Variants in SERPINB10 observed in about 807,000 individuals in gnomAD.
The protein encoded by SERPINB10 is serpin family B member 10.
Under a neutral mutation model 39.1 loss-of-function variants are expected in SERPINB10, and 35 were observed. That is an observed-to-expected ratio of 0.90 (90% CI 0.68 to 1.19). The LOEUF is 1.19. Among genes scored for constraint, SERPINB10 ranks in the 50% most tolerant of loss-of-function variants. The pLI is 0.00. For synonymous variants in SERPINB10, 190 were observed against 158.1 expected, an observed-to-expected ratio of 1.20 and a Z score of -1.52; for missense variants, 546 against 460.5, an observed-to-expected ratio of 1.19 and a Z score of -1.70.
At chr18:63,929,729 A>AG (rs1352166252) in intron 5 of SERPINB10, among the ~76,000 whole-genome samples, 4 of 88,520 alleles carry the variant, frequency 4.5e-5, no homozygotes, top group South Asian at 6.8e-4. Flanking sequence ...AAAAAAAAAA[A>AG]AAAAGAAAAA....
rs1485450557 is a variant in SERPINB10 at position 63,917,497 on chromosome 18, T to C, written c.210T>C (p.Pro70=). 6 of 1,577,418 alleles carry C rather than the reference T, an allele frequency of 3.8e-6. 1 individual carries two copies. The East Asian group carries it at 1.4e-4, about 36-fold the overall frequency. Residue 70 remains proline (P), a synonymous_variant, in exon 3 of 8, where the codon CCT becomes CCC. Coordinates refer to ENST00000238508, the MANE Select transcript of SERPINB10 (RefSeq NM_005024.3). ...GAGACCAGGGAGTCAAATGTGACCC[T>C]GAAAGTGAAAAAAAAAGGAAAATGG... The part of the protein sequence containing the change: ...FNRDQGVKCD[P]ESEKKRKMEF...
Position 63,918,082 on chromosome 18 carries a change from A to G in SERPINB10, c.352A>G (p.Lys118Glu). The change falls in exon 4 of 8, where the codon AAA becomes GAA. Residue 118 changes from lysine (K) to glutamate (E), a missense_variant. Transcript: ENST00000238508. ...AACAGCCAATGCGATATATGGAGAG[A>G]AAACGTATGCATTTCACAATGTAAG... ...LKTANAIYGE[K>E]TYAFHNKYLE... 1 of 1,612,392 alleles carries G rather than the reference A, an allele frequency of 6.2e-7. No individual in the cohort carries two copies. Among genetic ancestry groups the G allele is most frequent in the African/African-American group, 1.3e-5 (1 of 74,952 alleles).
At position 63,934,831 on chromosome 18, in the gene SERPINB10, T is replaced by C; in HGVS notation, c.790-7T>C. 10 of 1,586,218 alleles carry C rather than the reference T, an allele frequency of 6.3e-6. No individual in the cohort carries two copies. The highest frequency in any genetic ancestry group is 7.7e-6 in the Non-Finnish European group (9 of 1,167,020). On this transcript the variant is annotated splice_region_variant and splice_polypyrimidine_tract_variant and intron_variant, in intron 7 of 7. Transcript: ENST00000238508. ...TGATTCTTTCTTTCTTGGTTCCAAA[T>C]GGGCAGCTGGAAAAGGCCATCACCT...
chr18:63,930,751 T>G (rs747348051), intron 6 of SERPINB10, among the ~76,000 whole-genome samples: 111 of 152,318 alleles, frequency 7.3e-4, no homozygotes, highest in African/African-American at 2.5e-3. Context: ...CTACCATCAT[T>G]CTTCTCTCAG....
At position 63,917,464 on chromosome 18, in the gene SERPINB10, A is replaced by G; in HGVS notation, c.177A>G (p.Gln59=). ...TTTTATTGAAATTACAGGTGCTTCA[A>G]TTTAACAGAGACCAGGGAGTCAAAT... The part of the protein sequence containing the change: ...TTAAQMAQVL[Q]FNRDQGVKCD... Residue 59 remains glutamine, a synonymous_variant, in exon 3 of 8, where the codon CAA becomes CAG. Coordinates refer to ENST00000238508, the MANE Select transcript of SERPINB10 (RefSeq NM_005024.3). 1 of 1,578,368 alleles carries G rather than the reference A, an allele frequency of 6.3e-7. No homozygotes were observed. The highest frequency in any genetic ancestry group is 8.6e-7 in the Non-Finnish European group (1 of 1,161,440).
At position 63,911,802 on chromosome 18, in the gene SERPINB10, A is replaced by G. The variant is rs529407351; in HGVS notation, c.-9-3700A>G. Among the ~76,000 whole-genome samples the G allele has an allele frequency of 6.0e-4, 91 of 152,056 alleles. 2 individuals carry two copies. Among genetic ancestry groups the G allele is most frequent in the Non-Finnish European group, 3.5e-4 (24 of 67,970 alleles). On this transcript the variant is annotated intron_variant, in intron 1 of 7. Transcript: ENST00000238508. Reference sequence around the variant, plus strand: ...TATGAAATTTAGAATAGTTTTTCCAATTCTGTGAAAAATGACGTTGGTAGT... The same window carrying G: ...TATGAAATTTAGAATAGTTTTTCCAGTTCTGTGAAAAATGACGTTGGTAGT...
chr18:63,912,029 T>C lies in SERPINB10; in HGVS notation c.-9-3473T>C, dbSNP rs189235919. Among the ~76,000 whole-genome samples the C allele has an allele frequency of 7.3e-3, 1,108 of 152,096 alleles. 11 individuals are homozygous for C. The highest frequency in any genetic ancestry group is 0.014 in the Middle Eastern group (4 of 294). On this transcript the variant is annotated intron_variant, in intron 1 of 7. Coordinates refer to ENST00000238508, the MANE Select transcript of SERPINB10 (RefSeq NM_005024.3). ...GTGTATTCCTGGGTATTTTATTTTA[T>C]TTTATTTTTTGGCTATCATAAATGG...
chr18:63,934,882 T>A lies in SERPINB10; in HGVS notation c.834T>A (p.Ser278Arg). The A allele has an allele frequency of 6.2e-7, 1 of 1,614,072 alleles. No individual in the cohort carries two copies. Among genetic ancestry groups the A allele is most frequent in the Non-Finnish European group, 8.5e-7 (1 of 1,179,952 alleles). Residue 278 changes from serine to arginine, a missense_variant, in exon 8 of 8, where the codon AGT becomes AGA. Transcript: ENST00000238508. ...ITYEKLNEWT[S>R]ADMMELYEVQ... Reference sequence around the variant, plus strand: ...ATGAGAAGCTGAATGAGTGGACCAGTGCAGACATGATGGAGTTGTATGAAG... The same window carrying A: ...ATGAGAAGCTGAATGAGTGGACCAGAGCAGACATGATGGAGTTGTATGAAG...
At chr18:63,928,620 G>T (rs9955406) in intron 5 of SERPINB10, among the ~76,000 whole-genome samples, 37,673 of 151,902 alleles carry the variant, frequency 0.25, 4,772 homozygotes, top group Admixed American at 0.33. Flanking sequence ...CATTGAATCT[G>T]TAAATGACCT....
rs778114912 is a variant in SERPINB10, at chr18:63,934,897, G to A, written c.849G>A (p.Glu283=). The A allele has an allele frequency of 2.5e-6, 4 of 1,614,058 alleles. No homozygotes were observed. The highest frequency in any genetic ancestry group is 2.7e-5 in the African/African-American group (2 of 74,924). ...AGTGGACCAGTGCAGACATGATGGA[G>A]TTGTATGAAGTGCAGCTACACCTTC... ...LNEWTSADMM[E]LYEVQLHLPK... The change falls in exon 8 of 8, where the codon GAG becomes GAA. Residue 283 remains glutamate, a synonymous_variant. Transcript: ENST00000238508.
At chr18:63,932,127 CCA>C (rs2050227012) in intron 6 of SERPINB10, among the ~76,000 whole-genome samples, 3 of 152,146 alleles carry the variant, frequency 2.0e-5, no homozygotes, top group Admixed American at 2.0e-4. Flanking sequence ...TACAATTGTA[CCA>C]CAGTTTGTTA....
At position 63,935,112 on chromosome 18, in the gene SERPINB10, G is replaced by A. The variant is rs2050252948; in HGVS notation, c.1064G>A (p.Ser355Asn). ...NEQGTEAAAG[S>N]GSEIDIRIRV... The stretch of plus-strand genomic sequence containing the variant: ...CAAGGTACTGAAGCTGCAGCTGGCA[G>A]TGGGAGTGAGATAGATATACGAATT... The change falls in exon 8 of 8, where the codon AGT becomes AAT. Residue 355 changes from serine to asparagine, a missense_variant. Physicochemically the swap from Ser to Asn is conservative, Grantham distance 46. Coordinates refer to ENST00000238508, the MANE Select transcript of SERPINB10 (RefSeq NM_005024.3). 7 of 1,613,976 alleles carry A rather than the reference G, an allele frequency of 4.3e-6. No individual in the cohort carries two copies. Among genetic ancestry groups the A allele is most frequent in the Middle Eastern group, 1.6e-4 (1 of 6,062 alleles).
At chr18:63,933,534 T>G (rs1235332089) in intron 7 of SERPINB10, among the ~76,000 whole-genome samples, 1 of 152,196 alleles carries the variant, frequency 6.6e-6, no homozygotes, top group Non-Finnish European at 1.5e-5. Context: ...CTGTGTGGAT[T>G]GATCATAACC....
At chr18:63,926,015 T>C (rs1398674177) in intron 5 of SERPINB10, among the ~76,000 whole-genome samples, 1 of 152,028 alleles carries the variant, frequency 6.6e-6, no homozygotes, top group South Asian at 2.1e-4. Context: ...GTGGTTGTAT[T>C]AGTTTCCTAG....
intron 5 of SERPINB10, among the ~76,000 whole-genome samples, chr18:63,922,434 A>G (rs1430435366): frequency 6.6e-6 from 1 of 152,024 alleles, no homozygotes; most frequent in Non-Finnish European, 1.5e-5. Flanking sequence ...CACAAATTCA[A>G]CATAGCAGGA....
At chr18:63,916,466 G>A (rs917279910) in intron 2 of SERPINB10, among the ~76,000 whole-genome samples, 1 of 152,000 alleles carries the variant, frequency 6.6e-6, no homozygotes, top group Non-Finnish European at 1.5e-5. Flanking sequence ...ATATGAACAC[G>A]GTTGGTAATT....
intron 5 of SERPINB10, among the ~76,000 whole-genome samples, chr18:63,924,353 C>G (rs186308013): frequency 6.6e-6 from 1 of 151,914 alleles, no homozygotes; most frequent in African/African-American, 2.4e-5. Context: ...ATACGGTGTC[C>G]TCACTCATTA....
intron 7 of SERPINB10, among the ~76,000 whole-genome samples, chr18:63,934,099 T>C (rs751338715): frequency 7.9e-5 from 12 of 152,126 alleles, no homozygotes; most frequent in Non-Finnish European, 1.5e-4. Context: ...ATGTAAGTGG[T>C]TTACAGGTAT....
chr18:63,919,933 C>A (rs201119303), intron 5 of SERPINB10, 28 bp downstream of exon 5: 2 of 1,395,298 alleles, frequency 1.4e-6, no homozygotes, highest in Non-Finnish European at 2.0e-6. Context: ...GGTTTGGCAG[C>A]GTGCTTTTCC....
Sources: allele counts gnomAD v4.1 joint callset (sites outside exome capture counted in the v4.1 genomes callset), GRCh38; gene constraint gnomAD v4.1.1; transcripts MANE v1.5; gene names NCBI Gene and HGNC (gene_info 2026-07-23, HGNC 2026-07-21).